The following LATS2 variants were observed in gnomAD, a reference collection of about 807,000 sequenced individuals.
LATS2 encodes the protein serine/threonine-protein kinase LATS2.
In LATS2, 24 loss-of-function variants were observed where a neutral mutation model predicts 76.0. The ratio of observed to expected loss-of-function variants is 0.32; its 90% CI spans 0.23 to 0.44. LATS2 has a LOEUF of 0.44. LATS2 is among the 20% of genes least tolerant of loss of function. LATS2 has a pLI of 1.00. For missense variants in LATS2, 1,286 were observed against 1,481.2 expected, an observed-to-expected ratio of 0.87 and a Z score of 2.16; for synonymous variants, 692 against 635.4, an observed-to-expected ratio of 1.09 and a Z score of -1.34.
At chr13:21,044,693 T>TGTGG (rs1203014573) in intron 2 of LATS2, among the ~76,000 whole-genome samples, 2 of 4,122 alleles carry the variant, frequency 4.9e-4, no homozygotes, top group Non-Finnish European at 1.9e-3. Context: ...TGTAGGGGTG[T>TGTGG]GTGTGTGTGT....
chr13:21,040,275 T>C (rs1340963731), intron 2 of LATS2, among the ~76,000 whole-genome samples: 1 of 151,152 alleles, frequency 6.6e-6, no homozygotes, highest in Non-Finnish European at 1.5e-5. Context: ...TGGTCTCAGT[T>C]ACTTTGGAGG....
At chr13:21,013,964 C>T (rs1871696111) in intron 2 of LATS2, among the ~76,000 whole-genome samples, 1 of 150,434 alleles carries the variant, frequency 6.6e-6, no homozygotes, top group African/African-American at 2.5e-5. Flanking sequence ...GAGCAAGACC[C>T]CCAACTTGAA....
chr13:21,018,862 T>G (rs1004253111), intron 2 of LATS2, among the ~76,000 whole-genome samples: 98 of 152,256 alleles, frequency 6.4e-4, no homozygotes, highest in African/African-American at 2.2e-3. Context: ...GCCAGGCTGG[T>G]CTTGAACTCC....
intron 2 of LATS2, among the ~76,000 whole-genome samples, chr13:21,016,578 C>G (rs1184934235): frequency 2.0e-5 from 3 of 152,198 alleles, no homozygotes; most frequent in Non-Finnish European, 2.9e-5. Flanking sequence ...CCATGCTCAG[C>G]CAGTTCATTC....
chr13:21,034,961 T>A (rs1428141788), intron 2 of LATS2, among the ~76,000 whole-genome samples: 1 of 152,110 alleles, frequency 6.6e-6, no homozygotes, highest in Non-Finnish European at 1.5e-5. Context: ...CTGAGCACAG[T>A]GGTTCATGCC....
chr13:21,040,393 AAAG>A (rs1298258334), intron 2 of LATS2, among the ~76,000 whole-genome samples: 11 of 149,626 alleles, frequency 7.4e-5, no homozygotes, highest in East Asian at 5.8e-4. Context: ...AAAAAAAAAG[AAAG>A]AAAAAGAAAA....
chr13:21,016,344 C>T (rs377330170), intron 2 of LATS2, among the ~76,000 whole-genome samples: 6 of 148,398 alleles, frequency 4.0e-5, no homozygotes, highest in African/African-American at 1.2e-4. Flanking sequence ...AGTACAGTGG[C>T]GTGATCTCGG....
At chr13:21,060,055 G>T (rs1350626005) in intron 1 of LATS2, among the ~76,000 whole-genome samples, 1 of 152,214 alleles carries the variant, frequency 6.6e-6, no homozygotes, top group Non-Finnish European at 1.5e-5. Flanking sequence ...AAAGGCCTCA[G>T]AACAGCCGCC....
intron 2 of LATS2, among the ~76,000 whole-genome samples, chr13:21,021,922 C>A (rs1478563995): frequency 6.6e-6 from 1 of 152,166 alleles, no homozygotes; most frequent in Non-Finnish European, 1.5e-5. Flanking sequence ...GCTGTTCTGA[C>A]AGAGAAAAAC....
chr13:20,979,621 CAA>C, intron 7 of LATS2, 68 bp downstream of exon 7: 1 of 793,284 alleles, frequency 1.3e-6, no homozygotes, highest in Non-Finnish European at 2.1e-6. Context: ...AAATGCTGAC[CAA>C]AGATTCATGG....
chr13:21,007,531 GATATATATATATAGTATAT>G (rs1201482902), intron 2 of LATS2, among the ~76,000 whole-genome samples: 4 of 15,488 alleles, frequency 2.6e-4, no homozygotes, highest in African/African-American at 1.7e-3. Flanking sequence ...GTAGGGGATG[GATATATATATATAGTATAT>G]ATATATATAT....
intron 2 of LATS2, among the ~76,000 whole-genome samples, chr13:21,024,454 A>C (rs1236343985): frequency 6.6e-6 from 1 of 152,114 alleles, no homozygotes; most frequent in South Asian, 2.1e-4. Flanking sequence ...AATAAATGAT[A>C]ATAAATAATA....
intron 2 of LATS2, among the ~76,000 whole-genome samples, chr13:21,016,765 T>G (rs1871814824): frequency 6.6e-6 from 1 of 152,198 alleles, no homozygotes; most frequent in Non-Finnish European, 1.5e-5. Flanking sequence ...GGCAGGCAAC[T>G]GATTTGTTAA....
chr13:20,979,801 C>A lies in LATS2; in HGVS notation c.2666-4G>T, dbSNP rs558331566. ...CAGTCACAGAGTTGAGTGTACCCTG[C>A]AAGACAAAGTTCACTCAATCCCTAC... On this transcript the variant is annotated splice_region_variant and splice_polypyrimidine_tract_variant and intron_variant, in intron 6 of 7. Coordinates refer to ENST00000382592, the MANE Select transcript of LATS2 (RefSeq NM_014572.3). The A allele has an allele frequency of 1.3e-5, 20 of 1,552,212 alleles. No individual in the cohort carries two copies. In the African/African-American group the frequency reaches 2.6e-4, roughly 20 times the overall value.
At chr13:20,981,299 C>T (rs78516411) in intron 6 of LATS2, among the ~76,000 whole-genome samples, 167 bp downstream of exon 6, 1 of 152,286 alleles carries the variant, frequency 6.6e-6, no homozygotes, top group Non-Finnish European at 1.5e-5. Flanking sequence ...ACTTCCAGGA[C>T]AGGAGGGAGG....
At chr13:21,039,704 A>G (rs1872800535) in intron 2 of LATS2, among the ~76,000 whole-genome samples, 1 of 152,222 alleles carries the variant, frequency 6.6e-6, no homozygotes, top group African/African-American at 2.4e-5. Flanking sequence ...ACTGCCTAAG[A>G]CAGGGAGAGC....
chr13:20,993,035 CAAAAAAAAAAAAAA>C (rs551359225), intron 2 of LATS2, among the ~76,000 whole-genome samples: 15 of 88,974 alleles, frequency 1.7e-4, no homozygotes, highest in African/African-American at 6.3e-4. Context: ...ACTCCATCTC[CAAAAAAAAAAAAAA>C]AAAAAAAAAA....
At chr13:20,990,580 A>G (rs1298289299) in intron 3 of LATS2, among the ~76,000 whole-genome samples, 1 of 147,952 alleles carries the variant, frequency 6.8e-6, no homozygotes, top group African/African-American at 2.5e-5. Context: ...TTGGGATTAC[A>G]CAAAACAAAA....
At chr13:21,026,086 A>T (rs1449131540) in intron 2 of LATS2, among the ~76,000 whole-genome samples, 1 of 152,178 alleles carries the variant, frequency 6.6e-6, no homozygotes, top group Non-Finnish European at 1.5e-5. Context: ...TCCCTGGAAT[A>T]CCCATCGGAT....
Sources: gnomAD v4.1 joint callset for allele counts (sites outside exome capture counted in the v4.1 genomes callset) on GRCh38, gnomAD v4.1.1 for gene constraint, MANE v1.5 for transcripts, NCBI Gene and HGNC (gene_info 2026-07-23, HGNC 2026-07-21) for gene names.